The following GMDS variants were observed in gnomAD, a reference collection of about 807,000 sequenced individuals.
GMDS encodes GDP-mannose 4,6-dehydratase.
In GMDS, 20 loss-of-function variants were observed where a neutral mutation model predicts 49.9. The ratio of observed to expected loss-of-function variants is 0.40; its 90% CI spans 0.28 to 0.58. The LOEUF (loss-of-function observed/expected upper bound fraction) is 0.58, where lower values mean the gene tolerates loss of function less well. Among genes scored for constraint, GMDS ranks in the 20% least tolerant of loss-of-function variants. GMDS has a pLI of 0.42. For missense variants in GMDS, 362 were observed against 481.4 expected (o/e 0.75, Z 2.32); for synonymous variants, 177 against 178.6 (o/e 0.99, Z 0.07).
rs761083058 is a variant in GMDS at position 1,778,059 on chromosome 6, G to A, written c.772-35473C>T. 5.3e-5 allele frequency among the ~76,000 whole-genome samples: 8 copies of A among 152,042 alleles called. No individual in the cohort carries two copies. The highest frequency in any genetic ancestry group is 4.1e-4 in the South Asian group (2 of 4,822). On this transcript the variant is annotated intron_variant, in intron 7 of 10. Transcript: ENST00000380815. The surrounding 1 kb of genome is among the most constrained non-coding windows in gnomAD (Gnocchi z 4.6). ...AGCATTTGTAAGCTCAGGGGTGCAC[G>A]CATTAAAAAAAGAAGCTGAAAAATG... is the stretch of plus-strand genomic sequence containing the variant.
intron 9 of GMDS, among the ~76,000 whole-genome samples, chr6:1,683,213 T>C (rs1764847327): frequency 6.6e-6 from 1 of 152,112 alleles, no homozygotes; most frequent in Non-Finnish European, 1.5e-5. Context: ...AAGCTCTGCC[T>C]CCCGGGTTCA....
intron 9 of GMDS, among the ~76,000 whole-genome samples, chr6:1,704,925 C>T (rs565835987): frequency 2.0e-5 from 3 of 152,250 alleles, no homozygotes; most frequent in East Asian, 3.9e-4. Flanking sequence ...ACCTTTGAAA[C>T]TGAGTCATTG....
intron 4 of GMDS, among the ~76,000 whole-genome samples, chr6:2,066,350 C>T (rs1233929509): frequency 2.2e-5 from 3 of 137,404 alleles, no homozygotes; most frequent in African/African-American, 8.7e-5. Context: ...TAGGAAGAAA[C>T]TGCATCAACT....
chr6:2,149,701 T>C (rs1459999361), intron 1 of GMDS, among the ~76,000 whole-genome samples: 1 of 152,248 alleles, frequency 6.6e-6, no homozygotes, highest in Admixed American at 6.5e-5. Context: ...AGCGTTAGAA[T>C]AAATTACTTT....
intron 7 of GMDS, among the ~76,000 whole-genome samples, chr6:1,928,523 CA>C (rs1762133839): frequency 1.3e-5 from 2 of 152,112 alleles, no homozygotes; most frequent in Admixed American, 6.5e-5. Flanking sequence ...TTAGGTTAGA[CA>C]AAAGAAAGTT....
chr6:2,037,958 G>A (rs555695530), intron 4 of GMDS, among the ~76,000 whole-genome samples: 82 of 152,264 alleles, frequency 5.4e-4, no homozygotes, highest in Non-Finnish European at 9.7e-4. Flanking sequence ...TGTTTCCAAA[G>A]ATAAACATTT....
chr6:1,804,964 T>C (rs1770110594), intron 7 of GMDS, among the ~76,000 whole-genome samples: 1 of 152,222 alleles, frequency 6.6e-6, no homozygotes, highest in Admixed American at 6.5e-5. Flanking sequence ...CTAAGTATCC[T>C]GTAGCCAACC....
At chr6:1,689,785 C>G (rs1436154381) in intron 9 of GMDS, among the ~76,000 whole-genome samples, 1 of 152,158 alleles carries the variant, frequency 6.6e-6, no homozygotes, top group African/African-American at 2.4e-5. Flanking sequence ...TAAACGTCTT[C>G]TGAAAAATTG....
intron 7 of GMDS, among the ~76,000 whole-genome samples, chr6:1,913,240 G>A (rs953882490): frequency 6.6e-6 from 1 of 151,538 alleles, no homozygotes; most frequent in Non-Finnish European, 1.5e-5. Flanking sequence ...AATTAGCCGG[G>A]CGTAGTGGCG....
chr6:2,155,523 C>T (rs1429675348), intron 1 of GMDS, among the ~76,000 whole-genome samples: 4 of 152,118 alleles, frequency 2.6e-5, no homozygotes, highest in South Asian at 2.1e-4. Context: ...ATTTTACTTC[C>T]TTACCACCAA....
Position 1,694,156 on chromosome 6 carries a change from A to G in GMDS, c.987+32260T>C, listed in dbSNP as rs190360805. The stretch of plus-strand genomic sequence containing the variant: ...GACTTGACAAAGCATAATGATGCCA[A>G]TTACTCTCTTTTACTGATTCTACTA... On this transcript the variant is annotated intron_variant, in intron 9 of 10. Transcript: ENST00000380815. 2.2e-3 allele frequency among the ~76,000 whole-genome samples: 333 copies of G among 152,318 alleles called. 1 individual carries two copies. The highest frequency in any genetic ancestry group is 3.0e-3 in the Admixed American group (46 of 15,306).
At chr6:2,170,088 A>G (rs1777894820) in intron 1 of GMDS, among the ~76,000 whole-genome samples, 1 of 152,086 alleles carries the variant, frequency 6.6e-6, no homozygotes. Context: ...CTGTAATCCC[A>G]GCTACTCGGG....
intron 9 of GMDS, among the ~76,000 whole-genome samples, chr6:1,710,713 G>C (rs917488286): frequency 2.0e-5 from 3 of 152,116 alleles, no homozygotes; most frequent in African/African-American, 4.8e-5. Flanking sequence ...AACTTCAATC[G>C]GTAAATGATC....
intron 1 of GMDS, among the ~76,000 whole-genome samples, chr6:2,134,667 T>A (rs1775905973): frequency 6.6e-6 from 1 of 152,212 alleles, no homozygotes; most frequent in Non-Finnish European, 1.5e-5. Context: ...CTACTTCTGT[T>A]TCCCAGCTAT....
chr6:1,972,438 C>T (rs186061502), intron 4 of GMDS, among the ~76,000 whole-genome samples: 67 of 151,826 alleles, frequency 4.4e-4, no homozygotes, highest in Admixed American at 1.0e-3. Context: ...AGTAACTATC[C>T]GGGTCTTTTC....
chr6:2,109,982 C>T (rs1774452101), intron 4 of GMDS, among the ~76,000 whole-genome samples: 1 of 152,224 alleles, frequency 6.6e-6, no homozygotes, highest in African/African-American at 2.4e-5. Flanking sequence ...TCAGGCTCCC[C>T]AGGGTCCAAA....
intron 8 of GMDS, among the ~76,000 whole-genome samples, chr6:1,732,826 A>C (rs1289420974): frequency 6.6e-6 from 1 of 152,190 alleles, no homozygotes; most frequent in Non-Finnish European, 1.5e-5. Flanking sequence ...CTCCTGTAGA[A>C]TGATTAGAGG....
intron 7 of GMDS, among the ~76,000 whole-genome samples, chr6:1,784,218 C>A (rs577563151): frequency 1.3e-5 from 2 of 151,652 alleles, no homozygotes; most frequent in East Asian, 3.9e-4. Flanking sequence ...ATGGTGAAAC[C>A]CCGTCTCTAC....
intron 6 of GMDS, among the ~76,000 whole-genome samples, chr6:1,943,627 A>C (rs1399972043): frequency 6.6e-6 from 1 of 152,198 alleles, no homozygotes; most frequent in East Asian, 1.9e-4. Context: ...GAGTCTCAGG[A>C]ATGATTAAAT....
Sources: allele counts gnomAD v4.1 joint callset (sites outside exome capture counted in the v4.1 genomes callset), GRCh38; gene constraint gnomAD v4.1.1; non-coding constraint Gnocchi (gnomAD v3.1); transcripts MANE v1.5; gene names NCBI Gene and HGNC (gene_info 2026-07-23, HGNC 2026-07-21).